The following NGEF variants were observed in gnomAD, a reference collection of about 807,000 sequenced individuals.
NGEF encodes the protein ephexin-1.
NGEF carries 31 observed loss-of-function variants against 80.9 expected under a neutral mutation model. The ratio of observed to expected loss-of-function variants is 0.38; its 90% CI spans 0.29 to 0.52. The LOEUF is 0.52. Among genes scored for constraint, NGEF ranks in the 20% least tolerant of loss-of-function variants. NGEF has a pLI of 0.84. For missense variants in NGEF, 709 were observed against 926.2 expected (o/e 0.77, Z 3.04); for synonymous variants, 371 against 370.2 (o/e 1.00, Z -0.03).
intron 3 of NGEF, among the ~76,000 whole-genome samples, chr2:232,960,775 G>A (rs1693934492): frequency 6.6e-6 from 1 of 152,186 alleles, no homozygotes; most frequent in African/African-American, 2.4e-5. Flanking sequence ...CTACTTAGGA[G>A]GCTGAAGCAG....
chr2:232,883,695 C>T (rs943551134), intron 11 of NGEF, among the ~76,000 whole-genome samples: 1 of 152,158 alleles, frequency 6.6e-6, no homozygotes, highest in Non-Finnish European at 1.5e-5. Context: ...ACGACCCTAC[C>T]GTGGCCTCCC....
intron 3 of NGEF, 189 bp downstream of exon 3, chr2:232,970,025 T>C: frequency 2.9e-6 from 1 of 348,256 alleles, no homozygotes; most frequent in South Asian, 6.5e-5. Context: ...TTTAAAAAAT[T>C]ACTGTACAAA....
rs542112508 is a variant in NGEF at position 232,901,763 on chromosome 2, T to TGGAG, written c.829-6851_829-6848dup. On this transcript the variant is annotated intron_variant, in intron 5 of 14. Transcript: ENST00000264051. ...CCAACTTAGTTCACTGGCTTTTGCC[T>TGGAG]GGAGGGAGGGAGGGGATGAAGAGAA... Among the ~76,000 whole-genome samples, 355 of 152,348 alleles carry TGGAG rather than the reference T, an allele frequency of 2.3e-3. 3 individuals carry two copies. Among genetic ancestry groups the TGGAG allele is most frequent in the African/African-American group, 8.0e-3 (333 of 41,582 alleles).
intron 9 of NGEF, 53 bp from the exon 10 acceptor site, chr2:232,885,422 C>G: frequency 6.7e-7 from 1 of 1,485,434 alleles, no homozygotes; most frequent in East Asian, 2.3e-5. Context: ...GTCCCGGCCC[C>G]TTCCTCCAGC....
chr2:232,931,910 C>A (rs1485389363), intron 3 of NGEF, among the ~76,000 whole-genome samples: 1 of 152,172 alleles, frequency 6.6e-6, no homozygotes, highest in East Asian at 1.9e-4. Flanking sequence ...AGCTAAATAT[C>A]CAATTTCTAC....
chr2:232,992,702 C>T (rs984501180), intron 1 of NGEF, among the ~76,000 whole-genome samples: 12 of 151,646 alleles, frequency 7.9e-5, no homozygotes, highest in South Asian at 4.2e-4. Context: ...AATTAAAATA[C>T]GGGGCTGGGA....
intron 1 of NGEF, among the ~76,000 whole-genome samples, chr2:233,008,771 T>A (rs528597782): frequency 6.6e-6 from 1 of 152,132 alleles, no homozygotes; most frequent in Non-Finnish European, 1.5e-5. Flanking sequence ...TTCTTTTTCC[T>A]TTTTTTAAAA....
In NGEF at chr2:232,952,526, T is replaced by C. The variant is rs111486787; in HGVS notation, c.383+17688A>G. Among the ~76,000 whole-genome samples, 599 of 152,360 alleles carry C rather than the reference T, an allele frequency of 3.9e-3. 5 individuals are homozygous for C. Among genetic ancestry groups the C allele is most frequent in the East Asian group, 0.018 (92 of 5,184 alleles). ...AGCAAGTGCCTTTTAATAGAGATATTGATTATCCTAACAGTGATTACTACA... is the reference window on the plus strand; with the variant it reads ...AGCAAGTGCCTTTTAATAGAGATATCGATTATCCTAACAGTGATTACTACA... On this transcript the variant is annotated intron_variant, in intron 3 of 14. Coordinates refer to ENST00000264051, the MANE Select transcript of NGEF (RefSeq NM_019850.3).
rs562746618 is a variant in NGEF, at chr2:232,900,756, TCA to T, written c.829-5842_829-5841del. On this transcript the variant is annotated intron_variant, in intron 5 of 14. Coordinates refer to ENST00000264051, the MANE Select transcript of NGEF (RefSeq NM_019850.3). Reference sequence around the variant, plus strand: ...CATATACACGTTCACTCACATTCACTCACACACACACGCTCTCACACTCATGC... The same window carrying T: ...CATATACACGTTCACTCACATTCACTCACACACACGCTCTCACACTCATGC... 6.8e-3 allele frequency among the ~76,000 whole-genome samples: 462 copies of T among 68,166 alleles called. 49 individuals are homozygous for T. The highest frequency in any genetic ancestry group is 0.032 in the African/African-American group (426 of 13,228). 44.7% of individuals were successfully genotyped at this position (68,166 alleles called of 152,430 possible).
At chr2:232,991,894 A>G (rs1168365351) in intron 1 of NGEF, among the ~76,000 whole-genome samples, 1 of 152,230 alleles carries the variant, frequency 6.6e-6, no homozygotes, top group African/African-American at 2.4e-5. Flanking sequence ...AGGTCAAGAG[A>G]ATAGAATTGG....
chr2:232,941,613 T>C (rs897081469), intron 3 of NGEF, among the ~76,000 whole-genome samples: 4 of 152,202 alleles, frequency 2.6e-5, no homozygotes, highest in African/African-American at 9.6e-5. Context: ...TTTTCTACCA[T>C]AAATGTGTCA....
intron 1 of NGEF, among the ~76,000 whole-genome samples, chr2:233,006,925 C>G (rs967918906): frequency 1.3e-5 from 2 of 152,150 alleles, no homozygotes; most frequent in African/African-American, 4.8e-5. Context: ...GATTTCTAAA[C>G]TGTTTCTCAC....
intron 1 of NGEF, chr2:233,012,588 C>G: frequency 3.4e-6 from 1 of 292,750 alleles, no homozygotes; most frequent in Non-Finnish European, 6.6e-6. Context: ...AGGGCACTTC[C>G]GTTTACATAT....
intron 3 of NGEF, among the ~76,000 whole-genome samples, chr2:232,949,873 G>A (rs1348568681): frequency 6.6e-6 from 1 of 151,196 alleles, no homozygotes; most frequent in Non-Finnish European, 1.5e-5. Flanking sequence ...GTGCAGTGGT[G>A]CCATCTCGGC....
chr2:232,917,897 C>T (rs554018108), intron 5 of NGEF, among the ~76,000 whole-genome samples: 75 of 152,278 alleles, frequency 4.9e-4, no homozygotes, highest in African/African-American at 1.8e-3. Context: ...CCTCAGCCTC[C>T]TGAATAGCTG....
rs546083817 is a variant in NGEF, at chr2:232,888,470, GCA to G, written c.1273-365_1273-364del. On this transcript the variant is annotated intron_variant, in intron 8 of 14. Transcript: ENST00000264051. Reference sequence around the variant, plus strand: ...CAACACGATGCATGCACACTTGCAAGCACAGTGCACACACATGTACACACGTG... The same window carrying G: ...CAACACGATGCATGCACACTTGCAAGCAGTGCACACACATGTACACACGTG... Among the ~76,000 whole-genome samples the G allele has an allele frequency of 2.2e-3, 336 of 151,868 alleles. 1 individual carries two copies. The highest frequency in any genetic ancestry group is 7.7e-3 in the African/African-American group (320 of 41,398).
chr2:232,899,288 C>T (rs1039833507), intron 5 of NGEF, among the ~76,000 whole-genome samples: 7 of 152,040 alleles, frequency 4.6e-5, no homozygotes, highest in Non-Finnish European at 1.0e-4. Context: ...TCAGGGAATG[C>T]GCATGTAGCC....
At chr2:232,933,407 G>A (rs1203631566) in intron 3 of NGEF, among the ~76,000 whole-genome samples, 2 of 152,190 alleles carry the variant, frequency 1.3e-5, no homozygotes, top group East Asian at 3.9e-4. Flanking sequence ...CTGTCACCCA[G>A]TGTGCCAATG....
chr2:232,889,927 C>G (rs563471050), intron 8 of NGEF, among the ~76,000 whole-genome samples: 2 of 152,070 alleles, frequency 1.3e-5, no homozygotes, highest in South Asian at 4.1e-4. Context: ...TCATGCTCCT[C>G]AGGGCCACAG....
Sources: allele counts gnomAD v4.1 joint callset (sites outside exome capture counted in the v4.1 genomes callset), GRCh38; gene constraint gnomAD v4.1.1; transcripts MANE v1.5; gene names NCBI Gene and HGNC (gene_info 2026-07-23, HGNC 2026-07-21).